RNF216: variants seen among roughly 807,000 people sequenced by gnomAD.
The protein encoded by RNF216 is ring finger protein 216.
In RNF216, 72 loss-of-function variants were observed where a neutral mutation model predicts 110.8. The observed-to-expected ratio is 0.65, with a 90% confidence interval of 0.54 to 0.79. The LOEUF is 0.79. Ranked by LOEUF, RNF216 falls within the 30% of genes least tolerant of loss-of-function variation. The pLI, the probability that RNF216 is intolerant of heterozygous loss-of-function variation, is 0.00. For missense variants in RNF216, 1,342 were observed against 1,141.2 expected, an observed-to-expected ratio of 1.18 and a Z score of -2.54; for synonymous variants, 495 against 407.5, an observed-to-expected ratio of 1.21 and a Z score of -2.59.
intron 12 of RNF216, 47 bp from the exon 13 acceptor site, chr7:5,711,886 T>G: frequency 1.3e-6 from 2 of 1,551,892 alleles, no homozygotes; most frequent in Non-Finnish European, 1.8e-6. Context: ...CATTAAAGCC[T>G]GATCTGGTTC....
intron 9 of RNF216, among the ~76,000 whole-genome samples, chr7:5,718,765 T>TG (rs1426527377): frequency 6.6e-6 from 1 of 152,192 alleles, no homozygotes; most frequent in Non-Finnish European, 1.5e-5. Context: ...CAGGCTGGTC[T>TG]GTAACTCCTG....
chr7:5,768,178 C>T (rs1316230105), intron 1 of RNF216, among the ~76,000 whole-genome samples: 1 of 150,998 alleles, frequency 6.6e-6, no homozygotes, highest in Admixed American at 6.6e-5. Context: ...TTACCAGGTG[C>T]GGTAGCTCAT....
chr7:5,623,559 C>T (rs1039837064), intron 16 of RNF216, among the ~76,000 whole-genome samples: 5 of 151,972 alleles, frequency 3.3e-5, no homozygotes, highest in Non-Finnish European at 5.9e-5. Context: ...CTCACCCTCC[C>T]GAGTGCTGGG....
chr7:5,700,543 G>C (rs1791899310), intron 13 of RNF216, among the ~76,000 whole-genome samples: 1 of 152,114 alleles, frequency 6.6e-6, no homozygotes, highest in Non-Finnish European at 1.5e-5. Flanking sequence ...TCTAGAAAGA[G>C]GGCCACTCCA....
At chr7:5,706,048 G>A (rs758646054) in intron 13 of RNF216, among the ~76,000 whole-genome samples, 5 of 150,368 alleles carry the variant, frequency 3.3e-5, no homozygotes, top group Non-Finnish European at 5.9e-5. Flanking sequence ...GTGAAACCCC[G>A]TCTCTACTAA....
At chr7:5,659,089 T>C (rs1315738719) in intron 13 of RNF216, among the ~76,000 whole-genome samples, 1 of 151,944 alleles carries the variant, frequency 6.6e-6, no homozygotes, top group Non-Finnish European at 1.5e-5. Flanking sequence ...ACTAGCGAGA[T>C]TGGTGGAAAC....
At chr7:5,691,232 A>G (rs1039715283) in intron 13 of RNF216, among the ~76,000 whole-genome samples, 2 of 152,216 alleles carry the variant, frequency 1.3e-5, no homozygotes, top group African/African-American at 2.4e-5. Flanking sequence ...AAGGGGAGAC[A>G]AGCCACCTGA....
At chr7:5,718,286 C>T (rs2128633977) in intron 9 of RNF216, among the ~76,000 whole-genome samples, 1 of 152,170 alleles carries the variant, frequency 6.6e-6, no homozygotes, top group South Asian at 2.1e-4. Flanking sequence ...GTGGCTGAGG[C>T]AGGAGAAGCC....
chr7:5,739,474 G>A lies in RNF216; in HGVS notation c.1045-122C>T, dbSNP rs767134350. ...AAGACTAGAAAAGGGCTGTGAAGCAGGTCTGTGTGTGTCTTCAAATTCAAC... is the reference window on the plus strand; with the variant it reads ...AAGACTAGAAAAGGGCTGTGAAGCAAGTCTGTGTGTGTCTTCAAATTCAAC... On this transcript the variant is annotated intron_variant, in intron 4 of 16. Transcript: ENST00000389902. The A allele has an allele frequency of 4.2e-6, 4 of 959,856 alleles. No individual in the cohort carries two copies. The South Asian group carries it at 5.5e-5, about 13-fold the overall frequency. 59.5% of individuals were successfully genotyped at this position (959,856 alleles called of 1,614,324 possible).
intron 13 of RNF216, among the ~76,000 whole-genome samples, chr7:5,655,888 A>C (rs1788709796): frequency 1.3e-5 from 2 of 151,962 alleles, no homozygotes; most frequent in African/African-American, 2.4e-5. Flanking sequence ...CCAGGGTCTC[A>C]CTCTGTCACC....
At chr7:5,652,643 G>A (rs1788468572) in intron 13 of RNF216, 133 bp from the exon 14 acceptor site, 1 of 649,914 alleles carries the variant, frequency 1.5e-6, no homozygotes, top group Admixed American at 2.5e-5. Context: ...CCTTTTCAGG[G>A]GGGATATTTC....
rs1584438214 is a variant in RNF216 at position 5,680,107 on chromosome 7, C to T, written c.2062-27597G>A. ...CCTGCTGCAATCAGGAAGAAGTCCACGTTCTTCACACAAGGGACATCTCCC... is the reference window on the plus strand; with the variant it reads ...CCTGCTGCAATCAGGAAGAAGTCCATGTTCTTCACACAAGGGACATCTCCC... On this transcript the variant is annotated intron_variant, in intron 13 of 16. Transcript: ENST00000389902. This position sits in a 1 kb window ranked among gnomAD's most constrained non-coding sequence, Gnocchi z 4.3. Among the ~76,000 whole-genome samples the T allele has an allele frequency of 6.6e-6, 1 of 152,202 alleles. No homozygotes were observed. Among genetic ancestry groups the T allele is most frequent in the Non-Finnish European group, 1.5e-5 (1 of 68,026 alleles).
chr7:5,726,494 C>T (rs1489305841), intron 7 of RNF216, among the ~76,000 whole-genome samples: 1 of 152,214 alleles, frequency 6.6e-6, no homozygotes, highest in African/African-American at 2.4e-5. Context: ...AATCCTTCCA[C>T]TGGTGAGGAT....
intron 15 of RNF216, among the ~76,000 whole-genome samples, chr7:5,625,427 A>ATT: frequency 6.6e-6 from 1 of 152,334 alleles, no homozygotes; most frequent in South Asian, 2.1e-4. Flanking sequence ...GAATATTAAT[A>ATT]ATGATCAGTT....
At chr7:5,764,166 T>C (rs1010061945) in intron 1 of RNF216, among the ~76,000 whole-genome samples, 1 of 150,494 alleles carries the variant, frequency 6.6e-6, no homozygotes, top group African/African-American at 2.4e-5. Context: ...GCACTCCAGG[T>C]TGGGAGACAA....
rs779243852 is a variant in RNF216, at chr7:5,716,753, A to G, written c.1658T>C (p.Leu553Ser). 6.2e-7 allele frequency: 1 copy of G among 1,607,180 alleles called. No homozygotes were observed. The highest frequency in any genetic ancestry group is 8.5e-7 in the Non-Finnish European group (1 of 1,176,222). ...IKEMAEHEDF[L>S]LALQMNEEQY... Reference sequence around the variant, plus strand: ...TTCTTCATTCATCTGTAGGGCAAGCAAAAAGTCTTCATGCTGAAGAACAAA... The same window carrying G: ...TTCTTCATTCATCTGTAGGGCAAGCGAAAAGTCTTCATGCTGAAGAACAAA... The change falls in exon 10 of 17, where the codon TTG becomes TCG. Residue 553 changes from leucine to serine, a missense_variant. Leu to Ser is a moderately radical substitution (Grantham distance 145). Coordinates refer to ENST00000389902, the MANE Select transcript of RNF216 (RefSeq NM_207111.4).
At chr7:5,657,864 G>T (rs17135763) in intron 13 of RNF216, among the ~76,000 whole-genome samples, 1,778 of 152,304 alleles carry the variant, frequency 0.012, 38 homozygotes, top group African/African-American at 0.04. Context: ...AGCTCAGGTA[G>T]ATTCAGTGAA....
chr7:5,778,011 A>C (rs1446045815), intron 1 of RNF216, among the ~76,000 whole-genome samples: 2 of 152,214 alleles, frequency 1.3e-5, no homozygotes, highest in African/African-American at 4.8e-5. Context: ...CTGTGACCAA[A>C]GGACATGCTT....
At chr7:5,721,871 A>C (rs900409973) in intron 8 of RNF216, among the ~76,000 whole-genome samples, 25 of 152,270 alleles carry the variant, frequency 1.6e-4, no homozygotes, top group African/African-American at 5.5e-4. Flanking sequence ...AACAAATATT[A>C]GACACGTAAA....
Sources: allele counts gnomAD v4.1 joint callset (sites outside exome capture counted in the v4.1 genomes callset), GRCh38; gene constraint gnomAD v4.1.1; non-coding constraint Gnocchi (gnomAD v3.1); transcripts MANE v1.5; gene names NCBI Gene and HGNC (gene_info 2026-07-23, HGNC 2026-07-21).